Variants in OXR1 observed in about 807,000 individuals in gnomAD.
The protein encoded by OXR1 is oxidation resistance protein 1.
A neutral mutation model predicts 104.6 loss-of-function variants in OXR1; 41 were observed. The ratio of observed to expected loss-of-function variants is 0.39; its 90% CI spans 0.31 to 0.51. The LOEUF (loss-of-function observed/expected upper bound fraction) is 0.51. OXR1 is among the 20% of genes least tolerant of loss of function. OXR1 has a pLI of 0.77. For missense variants in OXR1, 955 were observed against 1,031.9 expected, an observed-to-expected ratio of 0.93 and a Z score of 1.02; for synonymous variants, 348 against 348.4, an observed-to-expected ratio of 1.00 and a Z score of 0.01.
intron 2 of OXR1, among the ~76,000 whole-genome samples, chr8:106,502,702 C>A (rs182587666): frequency 1.6e-3 from 249 of 152,328 alleles, no homozygotes; most frequent in African/African-American, 5.6e-3. Flanking sequence ...AAAGTACCTT[C>A]TGTAAAAGAA....
intron 2 of OXR1, among the ~76,000 whole-genome samples, chr8:106,377,104 C>T (rs1816937803): frequency 6.6e-6 from 1 of 152,086 alleles, no homozygotes; most frequent in South Asian, 2.1e-4. Flanking sequence ...GGGAGAACTA[C>T]AGTCAAATTA....
At chr8:106,571,051 T>A (rs1049262779) in intron 3 of OXR1, among the ~76,000 whole-genome samples, 6 of 149,526 alleles carry the variant, frequency 4.0e-5, no homozygotes, top group African/African-American at 1.2e-4. Context: ...TTCCAAAGAG[T>A]TGGAACCAGT....
intron 12 of OXR1, among the ~76,000 whole-genome samples, chr8:106,738,733 A>G (rs1160697800): frequency 7.3e-6 from 1 of 136,376 alleles, no homozygotes; most frequent in South Asian, 2.6e-4. Flanking sequence ...CGTTTTAAGA[A>G]TACCAGTGAA....
At chr8:106,707,216 A>C in intron 9 of OXR1, 71 bp downstream of exon 9, 2 of 1,443,134 alleles carry the variant, frequency 1.4e-6, no homozygotes, top group South Asian at 1.2e-5. Context: ...TCACTGACTC[A>C]AAAGCCGCTG....
intron 1 of OXR1, among the ~76,000 whole-genome samples, chr8:106,296,796 G>A (rs1165063211): frequency 6.6e-6 from 1 of 152,178 alleles, no homozygotes; most frequent in African/African-American, 2.4e-5. Context: ...AGATAACACT[G>A]GAACAAGAGT....
intron 3 of OXR1, among the ~76,000 whole-genome samples, chr8:106,549,715 A>G (rs950120650): frequency 2.0e-5 from 3 of 152,124 alleles, no homozygotes; most frequent in Non-Finnish European, 4.4e-5. Flanking sequence ...TCTTTTCACA[A>G]TGTATTCACA....
intron 2 of OXR1, among the ~76,000 whole-genome samples, chr8:106,478,772 A>G (rs1402423093): frequency 6.6e-6 from 1 of 151,844 alleles, no homozygotes; most frequent in Non-Finnish European, 1.5e-5. Flanking sequence ...CTTGCTTTTC[A>G]TTATAAACCC....
chr8:106,751,593 T>A lies in OXR1; in HGVS notation c.*652T>A, dbSNP rs1391562084. The A allele has an allele frequency of 6.6e-6, 1 of 152,562 alleles. No individual in the cohort carries two copies. 9.5% of individuals were successfully genotyped at this position (152,562 alleles called of 1,614,324 possible). A position where few individuals can be genotyped will look rare whatever the true frequency, so the allele number is the denominator to read the frequency against. ...GATGACAGTACATATGATCTGCAGG[T>A]TTGGGCATATGCTTTCATCATTAAA... On this transcript the variant is annotated 3_prime_UTR_variant, in exon 17 of 17. Transcript: ENST00000517566.
chr8:106,706,240 A>G (rs1831136062), intron 8 of OXR1, 142 bp from the exon 9 acceptor site: 3 of 541,210 alleles, frequency 5.5e-6, no homozygotes, highest in South Asian at 5.9e-5. Context: ...AATAAATCAG[A>G]TTTTTTATAT....
intron 10 of OXR1, among the ~76,000 whole-genome samples, chr8:106,711,707 C>A (rs373209602): frequency 1.3e-5 from 2 of 152,072 alleles, no homozygotes; most frequent in East Asian, 1.9e-4. Flanking sequence ...ATCAGAACAT[C>A]AGCAATTGTG....
At chr8:106,297,095 G>A (rs947075692) in intron 1 of OXR1, among the ~76,000 whole-genome samples, 17 of 152,066 alleles carry the variant, frequency 1.1e-4, no homozygotes, top group African/African-American at 3.6e-4. Context: ...AACCTCAGGA[G>A]GTTGATTCCA....
chr8:106,555,963 A>ATTG (rs59149010), intron 3 of OXR1, among the ~76,000 whole-genome samples: 1 of 142,018 alleles, frequency 7.0e-6, no homozygotes. Context: ...ATGGAATATT[A>ATTG]AACTATAAAA....
At chr8:106,486,604 T>C (rs1247230786) in intron 2 of OXR1, among the ~76,000 whole-genome samples, 1 of 152,142 alleles carries the variant, frequency 6.6e-6, no homozygotes, top group Non-Finnish European at 1.5e-5. Context: ...ATTACATAAG[T>C]AGTAAAATTT....
chr8:106,486,748 C>T (rs1207968191), intron 2 of OXR1, among the ~76,000 whole-genome samples: 2 of 151,876 alleles, frequency 1.3e-5, no homozygotes, highest in African/African-American at 4.8e-5. Flanking sequence ...TGACTCTTTT[C>T]GTCTTGTCAT....
At chr8:106,587,212 G>A (rs1330468272) in intron 3 of OXR1, among the ~76,000 whole-genome samples, 6 of 152,186 alleles carry the variant, frequency 3.9e-5, no homozygotes, top group South Asian at 4.2e-4. Context: ...AGGTTGAGTC[G>A]GTGGGCACAG....
Position 106,270,347 on chromosome 8 carries a change from C to G in OXR1, c.-159C>G, listed in dbSNP as rs1811741580. On this transcript the variant is annotated 5_prime_UTR_variant, in exon 1 of 17. Transcript: ENST00000517566. ...CGGGGCCCGCCGCCGCTCACCGCAG[C>G]CCCCTCCTGGCGACCCGCAAGTAAG... The G allele has an allele frequency of 6.6e-6, 1 of 152,520 alleles. No individual in the cohort carries two copies. 9.4% of individuals were successfully genotyped at this position (152,520 alleles called of 1,614,324 possible).
intron 3 of OXR1, among the ~76,000 whole-genome samples, chr8:106,576,342 ATTAACT>A (rs1435924304): frequency 6.6e-6 from 1 of 151,744 alleles, no homozygotes; most frequent in East Asian, 1.9e-4. Flanking sequence ...AATAAAGAAA[ATTAACT>A]TTATGTTATT....
chr8:106,473,763 A>T (rs1420982495), intron 2 of OXR1, among the ~76,000 whole-genome samples: 1 of 151,118 alleles, frequency 6.6e-6, no homozygotes, highest in African/African-American at 2.4e-5. Flanking sequence ...CGGTCTTGTC[A>T]GGGACAGTAG....
intron 1 of OXR1, among the ~76,000 whole-genome samples, chr8:106,355,921 A>G (rs976017141): frequency 2.5e-4 from 38 of 152,164 alleles, no homozygotes; most frequent in Non-Finnish European, 5.0e-4. Context: ...CAAAGAAAAA[A>G]TGCATCAGAC....
Sources: gnomAD v4.1 joint callset for allele counts (sites outside exome capture counted in the v4.1 genomes callset) on GRCh38, gnomAD v4.1.1 for gene constraint, MANE v1.5 for transcripts, NCBI Gene and HGNC (gene_info 2026-07-23, HGNC 2026-07-21) for gene names.